LAMA2: variants seen among roughly 807,000 people sequenced by gnomAD.
LAMA2 encodes laminin subunit alpha 2.
A neutral mutation model predicts 364.8 loss-of-function variants in LAMA2; 269 were observed. The observed-to-expected ratio is 0.74, with a 90% CI of 0.67 to 0.82. LAMA2 has a LOEUF of 0.82. Ranked by LOEUF, LAMA2 falls within the 40% of genes least tolerant of loss-of-function variation. The pLI is 0.00. For synonymous variants in LAMA2, 1,379 were observed against 1,370.6 expected (o/e 1.01, Z -0.14); for missense variants, 3,807 against 3,873.2 (o/e 0.98, Z 0.45).
Position 129,162,891 on chromosome 6 carries a change from GA to G in LAMA2, c.1207-2684del, listed in dbSNP as rs201667209. On this transcript the variant is annotated intron_variant, in intron 8 of 64. Transcript: ENST00000421865. ...AGAAGGGGAGAATGAAGAGAACTAG[GA>G]GGGGGGGGAAGAAGAGGAGGAAGAA... 7.2e-3 allele frequency among the ~76,000 whole-genome samples: 1,098 copies of G among 151,846 alleles called. 13 individuals carry two copies. Among genetic ancestry groups the G allele is most frequent in the African/African-American group, 0.025 (1,021 of 41,280 alleles).
chr6:129,393,101 A>C lies in LAMA2; in HGVS notation c.5291A>C (p.Glu1764Ala). 2.5e-6 allele frequency: 4 copies of C among 1,613,856 alleles called. 1 individual carries two copies. The South Asian group carries it at 4.4e-5, about 18-fold the overall frequency. ...VKKLFGESRG[E>A]NEEMEKDLRE... Reference sequence around the variant, plus strand: ...AAGCTGTTTGGAGAGTCCCGGGGGGAAAATGAAGAAATGGAGAAGGATCTC... The same window carrying C: ...AAGCTGTTTGGAGAGTCCCGGGGGGCAAATGAAGAAATGGAGAAGGATCTC... The change falls in exon 37 of 65, where the codon GAA becomes GCA. Residue 1764 changes from glutamate (E) to alanine (A), a missense_variant. Coordinates refer to ENST00000421865, the MANE Select transcript of LAMA2 (RefSeq NM_000426.4).
intron 4 of LAMA2, among the ~76,000 whole-genome samples, chr6:129,136,299 A>G (rs1472253827): frequency 6.6e-6 from 1 of 152,156 alleles, no homozygotes; most frequent in Non-Finnish European, 1.5e-5. Flanking sequence ...GACGACCACC[A>G]GAGGCTTTCT....
At chr6:129,054,665 A>T (rs950147555) in intron 2 of LAMA2, among the ~76,000 whole-genome samples, 3 of 148,404 alleles carry the variant, frequency 2.0e-5, no homozygotes, top group East Asian at 1.9e-4. Context: ...CATGAAATAT[A>T]TGATATGTAA....
intron 16 of LAMA2, among the ~76,000 whole-genome samples, chr6:129,268,283 A>C (rs1299053747): frequency 2.6e-5 from 4 of 152,086 alleles, no homozygotes; most frequent in African/African-American, 4.8e-5. Context: ...CATTTTTATG[A>C]ATAGAAAGAC....
chr6:129,228,034 C>T (rs370273850), intron 12 of LAMA2, among the ~76,000 whole-genome samples: 1 of 152,042 alleles, frequency 6.6e-6, no homozygotes, highest in Non-Finnish European at 1.5e-5. Context: ...CAATGGCGGG[C>T]GCCCCTCTCC....
At chr6:129,511,449 T>G (rs1175234661) in intron 62 of LAMA2, among the ~76,000 whole-genome samples, 2 of 152,114 alleles carry the variant, frequency 1.3e-5, no homozygotes, top group African/African-American at 2.4e-5. Context: ...TGGCTAGCTT[T>G]TATTCATAAA....
At chr6:129,176,906 A>T (rs1360714907) in intron 9 of LAMA2, among the ~76,000 whole-genome samples, 1 of 152,094 alleles carries the variant, frequency 6.6e-6, no homozygotes, top group Non-Finnish European at 1.5e-5. Flanking sequence ...CATTTCTGAC[A>T]CTAATTCTGT....
intron 8 of LAMA2, among the ~76,000 whole-genome samples, chr6:129,164,458 C>T (rs1041483776): frequency 6.6e-6 from 1 of 152,204 alleles, no homozygotes; most frequent in Non-Finnish European, 1.5e-5. Flanking sequence ...ATCATCTCTA[C>T]AGGACATTTC....
intron 1 of LAMA2, among the ~76,000 whole-genome samples, chr6:128,969,192 G>A (rs926278867): frequency 6.6e-6 from 1 of 152,168 alleles, no homozygotes; most frequent in Non-Finnish European, 1.5e-5. Context: ...GAAGATGACA[G>A]ACGGAAAACC....
intron 39 of LAMA2, 70 bp downstream of exon 39, chr6:129,402,557 A>G: frequency 1.4e-6 from 2 of 1,423,530 alleles, no homozygotes; most frequent in Non-Finnish European, 2.0e-6. Context: ...TAGCATAAAT[A>G]GTAGAGAATC....
At chr6:128,925,991 C>G (rs539245885) in intron 1 of LAMA2, among the ~76,000 whole-genome samples, 38 of 152,274 alleles carry the variant, frequency 2.5e-4, no homozygotes, top group Non-Finnish European at 5.9e-5. Flanking sequence ...TGGACTGGGA[C>G]TCTCCATTGG....
At chr6:129,491,678 G>A (rs1210008747) in intron 56 of LAMA2, among the ~76,000 whole-genome samples, 1 of 152,176 alleles carries the variant, frequency 6.6e-6, no homozygotes, top group Non-Finnish European at 1.5e-5. Flanking sequence ...GTTGCAGTGC[G>A]CCATGACCTG....
chr6:129,357,843 CT>C (rs1430625954), intron 32 of LAMA2, among the ~76,000 whole-genome samples: 1 of 151,934 alleles, frequency 6.6e-6, no homozygotes, highest in Non-Finnish European at 1.5e-5. Context: ...TGATTGCCCC[CT>C]ATATATGGGA....
intron 28 of LAMA2, among the ~76,000 whole-genome samples, chr6:129,324,985 T>C (rs1775187128): frequency 6.6e-6 from 1 of 152,128 alleles, no homozygotes; most frequent in African/African-American, 2.4e-5. Flanking sequence ...GCAAAATCCA[T>C]GCAAAGATAC....
At chr6:129,245,469 A>G (rs1180902083) in intron 12 of LAMA2, among the ~76,000 whole-genome samples, 1 of 152,166 alleles carries the variant, frequency 6.6e-6, no homozygotes, top group Admixed American at 6.6e-5. Flanking sequence ...TTGTCCCCAA[A>G]ATGAACTAAT....
intron 8 of LAMA2, among the ~76,000 whole-genome samples, chr6:129,161,799 T>C (rs1241728933): frequency 1.3e-5 from 2 of 152,208 alleles, no homozygotes. Context: ...AATGGCCTTC[T>C]GCTCCATCCA....
intron 1 of LAMA2, among the ~76,000 whole-genome samples, chr6:128,907,685 G>T (rs1299248892): frequency 1.3e-5 from 2 of 152,108 alleles, no homozygotes; most frequent in East Asian, 1.9e-4. Context: ...AATAGGAGTG[G>T]TGAGAGAGGG....
At position 129,314,765 on chromosome 6, in the gene LAMA2, G is replaced by A. The variant is rs776253891; in HGVS notation, c.3522G>A (p.Gln1174=). 2.5e-6 allele frequency: 4 copies of A among 1,614,054 alleles called. 1 individual carries two copies. In the South Asian group the frequency reaches 4.4e-5, roughly 18 times the overall value. Residue 1174 remains glutamine (Q), a synonymous_variant, in exon 24 of 65, where the codon CAG becomes CAA. Coordinates refer to ENST00000421865, the MANE Select transcript of LAMA2 (RefSeq NM_000426.4). Reference sequence around the variant, plus strand: ...GCTATTGCTTCGGCACTACTACCCAGTGCTCTGAAGCAAAAGGACTGATCC... The same window carrying A: ...GCTATTGCTTCGGCACTACTACCCAATGCTCTGAAGCAAAAGGACTGATCC... ...SSCYCFGTTT[Q]CSEAKGLIRT...
intron 12 of LAMA2, among the ~76,000 whole-genome samples, chr6:129,232,094 G>A (rs910380504): frequency 6.6e-6 from 1 of 151,990 alleles, no homozygotes; most frequent in African/African-American, 2.4e-5. Context: ...GAAAAATATA[G>A]CTGTCTATTT....
Sources: gnomAD v4.1 joint callset for allele counts (sites outside exome capture counted in the v4.1 genomes callset) on GRCh38, gnomAD v4.1.1 for gene constraint, MANE v1.5 for transcripts, NCBI Gene and HGNC (gene_info 2026-07-23, HGNC 2026-07-21) for gene names.